The following KHDRBS2 variants were observed in gnomAD, a reference collection of about 807,000 sequenced individuals.
KHDRBS2 encodes KH domain-containing, RNA-binding, signal transduction-associated protein 2.
A neutral mutation model predicts 44.3 loss-of-function variants in KHDRBS2; 26 were observed. That is an observed-to-expected ratio of 0.59 (90% confidence interval 0.43 to 0.81). The LOEUF is 0.81. Among genes scored for constraint, KHDRBS2 ranks in the 40% least tolerant of loss-of-function variants. KHDRBS2 has a pLI of 0.00. For missense variants in KHDRBS2, 476 were observed against 433.1 expected (o/e 1.10, Z -0.88); for synonymous variants, 194 against 151.1 (o/e 1.28, Z -2.08).
intron 6 of KHDRBS2, among the ~76,000 whole-genome samples, chr6:61,837,969 G>T (rs1792989549): frequency 6.6e-6 from 1 of 151,956 alleles, no homozygotes; most frequent in Non-Finnish European, 1.5e-5. Flanking sequence ...TTGACAAAAA[G>T]ATCCTCTTCT....
At chr6:61,740,477 T>C (rs1387313238) in intron 6 of KHDRBS2, among the ~76,000 whole-genome samples, 1 of 151,914 alleles carries the variant, frequency 6.6e-6, no homozygotes, top group Non-Finnish European at 1.5e-5. Context: ...GGTGGTAGAA[T>C]GACAAATTTA....
At chr6:62,268,122 T>C (rs1839500215) in intron 1 of KHDRBS2, among the ~76,000 whole-genome samples, 1 of 152,098 alleles carries the variant, frequency 6.6e-6, no homozygotes, top group Non-Finnish European at 1.5e-5. Context: ...TTTCTCTTCC[T>C]GTCCTAAATG....
the KHDRBS2 span, chr6:61,574,408 C>T: frequency 4.6e-6 from 7 of 1,521,406 alleles, no homozygotes; most frequent in Admixed American, 1.4e-4. Context: ...CATAATACAA[C>T]AAGACGAGAA....
At chr6:62,239,774 G>A (rs960240631) in intron 1 of KHDRBS2, among the ~76,000 whole-genome samples, 4 of 151,812 alleles carry the variant, frequency 2.6e-5, no homozygotes, top group East Asian at 1.9e-4. Flanking sequence ...CAACTTCCAC[G>A]TCCCAGGTTC....
At chr6:61,791,287 C>A (rs140828900) in intron 6 of KHDRBS2, among the ~76,000 whole-genome samples, 2 of 150,758 alleles carry the variant, frequency 1.3e-5, no homozygotes, top group African/African-American at 4.9e-5. Flanking sequence ...TCTTTGGGAC[C>A]GATTTTCTTT....
intron 1 of KHDRBS2, among the ~76,000 whole-genome samples, chr6:62,182,986 C>T (rs1822659107): frequency 6.6e-6 from 1 of 151,712 alleles, no homozygotes; most frequent in Non-Finnish European, 1.5e-5. Context: ...TTTTTTCCTG[C>T]AACAAAATTC....
At chr6:61,784,530 G>C (rs984013133) in intron 6 of KHDRBS2, among the ~76,000 whole-genome samples, 9 of 151,826 alleles carry the variant, frequency 5.9e-5, no homozygotes, top group African/African-American at 1.9e-4. Flanking sequence ...GTTTAATCTG[G>C]AAATTTATAT....
intron 1 of KHDRBS2, among the ~76,000 whole-genome samples, chr6:62,265,403 G>C (rs1839023070): frequency 6.6e-6 from 1 of 151,832 alleles, no homozygotes; most frequent in African/African-American, 2.4e-5. Context: ...ATTACAGTGA[G>C]AGGAGTGTGT....
chr6:62,055,251 A>T (rs1027777308), intron 2 of KHDRBS2, among the ~76,000 whole-genome samples: 7 of 152,068 alleles, frequency 4.6e-5, no homozygotes, highest in Non-Finnish European at 7.4e-5. Context: ...AAGGAAAAGA[A>T]AAAAGACTTA....
chr6:61,879,653 T>G (rs1205609026), intron 6 of KHDRBS2, among the ~76,000 whole-genome samples: 1 of 151,910 alleles, frequency 6.6e-6, no homozygotes, highest in Non-Finnish European at 1.5e-5. Flanking sequence ...TAAAGTAAAT[T>G]TAGTCAAATA....
chr6:61,545,468 T>C, the KHDRBS2 span, among the ~76,000 whole-genome samples: 1 of 151,488 alleles, frequency 6.6e-6, no homozygotes, highest in African/African-American at 2.4e-5. Context: ...GGGGATTATG[T>C]TAGCTCATAC....
intron 2 of KHDRBS2, among the ~76,000 whole-genome samples, chr6:62,147,155 T>G (rs1423758559): frequency 6.6e-6 from 1 of 151,770 alleles, no homozygotes; most frequent in Non-Finnish European, 1.5e-5. Context: ...TTATGTATCC[T>G]AGTTCCAGTT....
intron 2 of KHDRBS2, among the ~76,000 whole-genome samples, chr6:62,110,289 A>G (rs1397223068): frequency 4.6e-5 from 7 of 152,216 alleles, no homozygotes; most frequent in South Asian, 2.1e-4. Flanking sequence ...AATCCAACAT[A>G]TATCTGTCAT....
At chr6:62,144,987 T>C (rs1212189236) in intron 2 of KHDRBS2, among the ~76,000 whole-genome samples, 1 of 151,892 alleles carries the variant, frequency 6.6e-6, no homozygotes, top group Non-Finnish European at 1.5e-5. Context: ...CTTTAAAAGA[T>C]CCCCCACTGC....
intron 4 of KHDRBS2, among the ~76,000 whole-genome samples, chr6:61,928,215 C>T (rs1809338457): frequency 6.6e-6 from 1 of 152,032 alleles, no homozygotes; most frequent in African/African-American, 2.4e-5. Flanking sequence ...TCAAATGCAG[C>T]ATATAATGCA....
intron 6 of KHDRBS2, among the ~76,000 whole-genome samples, chr6:61,822,997 T>A (rs1489311158): frequency 1.3e-5 from 2 of 152,062 alleles, no homozygotes; most frequent in South Asian, 2.1e-4. Context: ...GTGGGTAGTT[T>A]TTTTTTACTA....
At chr6:61,906,092 C>A (rs1221560169) in intron 4 of KHDRBS2, among the ~76,000 whole-genome samples, 1 of 151,992 alleles carries the variant, frequency 6.6e-6, no homozygotes, top group Non-Finnish European at 1.5e-5. Context: ...GTGATCCACC[C>A]GCCTCGGCCT....
At chr6:62,206,811 G>A (rs1304453131) in intron 1 of KHDRBS2, among the ~76,000 whole-genome samples, 2 of 152,138 alleles carry the variant, frequency 1.3e-5, no homozygotes, top group Admixed American at 1.3e-4. Context: ...AAGAACTGGG[G>A]ACAGAAGCTA....
rs542189120 is a variant in KHDRBS2, at chr6:62,122,633, G to C, written c.219+54552C>G. Reference sequence around the variant, plus strand: ...CCTCATGAGGAGTTCCCTGTGATCAGCTGACAGAGGAAGAGAAGACTAGGG... The same window carrying C: ...CCTCATGAGGAGTTCCCTGTGATCACCTGACAGAGGAAGAGAAGACTAGGG... On this transcript the variant is annotated intron_variant, in intron 2 of 8. Transcript: ENST00000281156. Among the ~76,000 whole-genome samples the C allele has an allele frequency of 8.5e-4, 130 of 152,270 alleles. 1 individual carries two copies. Among genetic ancestry groups the C allele is most frequent in the Non-Finnish European group, 1.6e-3 (108 of 68,028 alleles).
Sources: allele counts gnomAD v4.1 joint callset (sites outside exome capture counted in the v4.1 genomes callset), GRCh38; gene constraint gnomAD v4.1.1; transcripts MANE v1.5; gene names NCBI Gene and HGNC (gene_info 2026-07-23, HGNC 2026-07-21).